Variants in SPTBN4 observed in about 807,000 individuals in gnomAD.
SPTBN4 encodes spectrin beta chain, non-erythrocytic 4.
A neutral mutation model predicts 277.8 loss-of-function variants in SPTBN4; 96 were observed. The observed-to-expected ratio is 0.35, with a 90% CI of 0.29 to 0.41. The LOEUF is 0.41. Ranked by LOEUF, SPTBN4 falls within the 10% of genes least tolerant of loss-of-function variation. The pLI, the probability that SPTBN4 is intolerant of heterozygous loss-of-function variation, is 1.00. For synonymous variants in SPTBN4, 1,481 were observed against 1,580.3 expected (o/e 0.94, Z 1.49); for missense variants, 3,006 against 3,595.7 (o/e 0.84, Z 4.19).
intron 30 of SPTBN4, 47 bp from the exon 31 acceptor site, chr19:40,567,616 G>GCCCCCCCCCCCCCACCCAAA: frequency 5.4e-6 from 3 of 551,344 alleles, no homozygotes; most frequent in East Asian, 5.9e-5. Context: ...CCCTTACCCC[G>GCCCCCCCCCCCCCACCCAAA]CCCCGGCCCC....
At chr19:40,572,663 A>C (rs1846688375) in intron 35 of SPTBN4, 1 of 459,862 alleles carries the variant, frequency 2.2e-6, no homozygotes, top group Non-Finnish European at 3.9e-6. Flanking sequence ...GTTCGCTTTA[A>C]AAAGGGGTGA....
intron 14 of SPTBN4, among the ~76,000 whole-genome samples, chr19:40,514,696 T>C (rs1011916627): frequency 6.6e-5 from 10 of 152,100 alleles, no homozygotes; most frequent in African/African-American, 2.4e-4. Context: ...GTGACTGTCA[T>C]GAGTTCAGGG....
intron 4 of SPTBN4, among the ~76,000 whole-genome samples, chr19:40,491,437 A>G (rs771337044): frequency 1.4e-4 from 22 of 152,056 alleles, no homozygotes; most frequent in Admixed American, 3.3e-4. Context: ...GGTGCATACA[A>G]GTTTAGAAAG....
chr19:40,487,899 T>G, intron 3 of SPTBN4, 51 bp downstream of exon 3: 1 of 1,513,578 alleles, frequency 6.6e-7, no homozygotes, highest in African/African-American at 1.4e-5. Context: ...GGTCTCAGGC[T>G]GGGGGTTGGG....
At chr19:40,539,452 A>G (rs1188686212) in intron 20 of SPTBN4, among the ~76,000 whole-genome samples, 1 of 152,072 alleles carries the variant, frequency 6.6e-6, no homozygotes, top group East Asian at 1.9e-4. Context: ...TAGCCCAAGG[A>G]GGTTACTTTT....
rs1168105162 is a variant in SPTBN4 at position 40,526,167 on chromosome 19, C to CTTT, written c.3857+2549_3857+2551dup. 3.9e-3 allele frequency among the ~76,000 whole-genome samples: 363 copies of CTTT among 93,112 alleles called. 4 individuals are homozygous for CTTT. The highest frequency in any genetic ancestry group is 9.6e-3 in the Middle Eastern group (1 of 104). 61.1% of individuals were successfully genotyped at this position (93,112 alleles called of 152,430 possible). Reference sequence around the variant, plus strand: ...TGGAACCTGTGTGTGAGGTGCTGTTCTTTTTTTTTTTTTTTTTTTTTTTGA... The same window carrying CTTT: ...TGGAACCTGTGTGTGAGGTGCTGTTCTTTTTTTTTTTTTTTTTTTTTTTTTTGA... On this transcript the variant is annotated intron_variant, in intron 17 of 35. Coordinates refer to ENST00000598249, the MANE Select transcript of SPTBN4 (RefSeq NM_020971.3).
intron 30 of SPTBN4, among the ~76,000 whole-genome samples, chr19:40,566,825 C>T (rs1339602445): frequency 3.3e-5 from 5 of 151,752 alleles, no homozygotes; most frequent in South Asian, 4.1e-4. Flanking sequence ...ATTAGCTGGG[C>T]GTGGTGGTGC....
chr19:40,513,515 T>G lies in SPTBN4; in HGVS notation c.2726T>G (p.Val909Gly). ...GAGCAATGGCTGCTCTCCATGCGTG[T>G]GCCGGATTCACTCGACGACGTCGAG... ...EKEQWLLSMR[V>G]PDSLDDVEVV... is the part of the protein sequence containing the mutation. Residue 909 changes from valine (V) to glycine (G), a missense_variant, in exon 14 of 36, where the codon GTG (valine) becomes GGG (glycine). Coordinates refer to ENST00000598249, the MANE Select transcript of SPTBN4 (RefSeq NM_020971.3). The G allele has an allele frequency of 6.3e-7, 1 of 1,595,530 alleles. No individual in the cohort carries two copies. Among genetic ancestry groups the G allele is most frequent in the Non-Finnish European group, 8.5e-7 (1 of 1,176,094 alleles).
intron 33 of SPTBN4, 64 bp downstream of exon 33, chr19:40,570,792 G>T (rs1437930452): frequency 7.7e-6 from 12 of 1,554,738 alleles, no homozygotes; most frequent in Non-Finnish European, 1.0e-5. Context: ...TGCGTGGAGC[G>T]GTGGGACTGA....
chr19:40,549,152 C>T, intron 20 of SPTBN4, 37 bp from the exon 21 acceptor site: 2 of 1,495,502 alleles, frequency 1.3e-6, no homozygotes, highest in Non-Finnish European at 1.8e-6. Flanking sequence ...ATCAGGAGGG[C>T]GGGTGGGGCC....
intron 1 of SPTBN4, among the ~76,000 whole-genome samples, chr19:40,471,905 AT>A (rs34333509): frequency 0.011 from 1,160 of 109,264 alleles, 11 homozygotes; most frequent in African/African-American, 0.03. Context: ...ACATCCAGCT[AT>A]TTTTTTTTTT....
chr19:40,575,751 G>C lies in SPTBN4; in HGVS notation c.*182G>C, dbSNP rs2081196500. On this transcript the variant is annotated 3_prime_UTR_variant, in exon 36 of 36. Coordinates refer to ENST00000598249, the MANE Select transcript of SPTBN4 (RefSeq NM_020971.3). ...CCCAAGAAGTGGTGGGGAGATTGCT[G>C]CCCCTATAGCCATATCTCGGCCCCT... is the stretch of plus-strand genomic sequence containing the variant. 1.4e-6 allele frequency: 1 copy of C among 694,254 alleles called. No individual in the cohort carries two copies. The highest frequency in any genetic ancestry group is 2.2e-6 in the Non-Finnish European group (1 of 450,930). 43.0% of individuals were successfully genotyped at this position (694,254 alleles called of 1,614,324 possible). A position where few individuals can be genotyped will look rare whatever the true frequency, so the allele number is the denominator to read the frequency against.
rs530172881 is a variant in SPTBN4, at chr19:40,515,853, T to A, written c.2903+405T>A. On this transcript the variant is annotated intron_variant, in intron 15 of 35. Coordinates refer to ENST00000598249, the MANE Select transcript of SPTBN4 (RefSeq NM_020971.3). The surrounding 1 kb of genome is among the most constrained non-coding windows in gnomAD (Gnocchi z 4.1). ...GCCTGGGCAACATGGTGAAACCCCG[T>A]CTCTCTCTCTACGTGCGCGCACACA... is the stretch of plus-strand genomic sequence containing the variant. 1.3e-5 allele frequency among the ~76,000 whole-genome samples: 2 copies of A among 149,002 alleles called. No homozygotes were observed. The highest frequency in any genetic ancestry group is 3.0e-5 in the Non-Finnish European group (2 of 67,352).
chr19:40,533,877 C>G (rs1481151743), intron 19 of SPTBN4, among the ~76,000 whole-genome samples: 1 of 152,054 alleles, frequency 6.6e-6, no homozygotes, highest in African/African-American at 2.4e-5. Context: ...CTCTTCTTGT[C>G]TCTCTTCCTT....
At chr19:40,538,301 A>G (rs888913093) in intron 20 of SPTBN4, among the ~76,000 whole-genome samples, 2 of 151,768 alleles carry the variant, frequency 1.3e-5, no homozygotes, top group African/African-American at 4.8e-5. Context: ...GGGCATGAGA[A>G]TCGCTTGAAC....
At position 40,515,225 on chromosome 19, in the gene SPTBN4, G is replaced by T; in HGVS notation, c.2766-86G>T. 1 of 1,468,166 alleles carries T rather than the reference G, an allele frequency of 6.8e-7. No individual in the cohort carries two copies. The highest frequency in any genetic ancestry group is 9.1e-7 in the Non-Finnish European group (1 of 1,103,462). 90.9% of individuals were successfully genotyped at this position (1,468,166 alleles called of 1,614,324 possible). ...GAGGCTGAAAAGAAGGGTGGATTGA[G>T]AATTAGGAGTAGAACCAGTAGAAGG... On this transcript the variant is annotated intron_variant, in intron 14 of 35. Transcript: ENST00000598249. The surrounding 1 kb of genome is among the most constrained non-coding windows in gnomAD (Gnocchi z 4.1).
chr19:40,515,302 C>T lies in SPTBN4; in HGVS notation c.2766-9C>T, dbSNP rs770734163. ...GTTCGGGTGTCTGAGCATCTCCATC[C>T]TCCTGCAGATTCGAGAGCCTGGACC... On this transcript the variant is annotated splice_polypyrimidine_tract_variant and intron_variant, in intron 14 of 35. Transcript: ENST00000598249. The surrounding 1 kb of genome is among the most constrained non-coding windows in gnomAD (Gnocchi z 4.1). 10 of 1,612,170 alleles carry T rather than the reference C, an allele frequency of 6.2e-6. No homozygotes were observed. Among genetic ancestry groups the T allele is most frequent in the Non-Finnish European group, 8.5e-6 (10 of 1,179,368 alleles).
intron 13 of SPTBN4, among the ~76,000 whole-genome samples, chr19:40,508,141 G>A (rs2080350729): frequency 3.3e-5 from 5 of 152,216 alleles, no homozygotes; most frequent in Admixed American, 2.6e-4. Context: ...GCCTACCCCA[G>A]GGCCAGGAGT....
At chr19:40,566,500 C>T (rs2081093922) in intron 30 of SPTBN4, 141 bp downstream of exon 30, 1 of 739,154 alleles carries the variant, frequency 1.4e-6, no homozygotes, top group East Asian at 3.2e-5. Context: ...TGCTAGGCTC[C>T]CAGTGGAGCA....
Sources: gnomAD v4.1 joint callset for allele counts (sites outside exome capture counted in the v4.1 genomes callset) on GRCh38, gnomAD v4.1.1 for gene constraint, Gnocchi (gnomAD v3.1) non-coding constraint, MANE v1.5 for transcripts, NCBI Gene and HGNC (gene_info 2026-07-23, HGNC 2026-07-21) for gene names.